The following ZFP69 variants were observed in gnomAD, a reference collection of about 807,000 sequenced individuals.
ZFP69 encodes ZFP69 zinc finger protein, also known as zinc finger protein 69 homolog.
Under a neutral mutation model 48.9 loss-of-function variants are expected in ZFP69, and 35 were observed. The ratio of observed to expected loss-of-function variants is 0.72; its 90% CI spans 0.55 to 0.95. The LOEUF is 0.95. Among genes scored for constraint, ZFP69 ranks in the 40% least tolerant of loss-of-function variants. ZFP69 has a pLI of 0.00. For missense variants in ZFP69, 557 were observed against 638.4 expected (o/e 0.87, Z 1.37); for synonymous variants, 193 against 216.8 (o/e 0.89, Z 0.96).
chr1:40,492,344 AATCAGTCCAGGAATAGTT>A (rs1460739983), intron 5 of ZFP69, among the ~76,000 whole-genome samples: 1 of 152,222 alleles, frequency 6.6e-6, no homozygotes, highest in Non-Finnish European at 1.5e-5. Flanking sequence ...CCACATGGAT[AATCAGTCCAGGAATAGTT>A]AATGCTGCTC....
Position 40,495,064 on chromosome 1 carries a change from G to A in ZFP69, c.586G>A (p.Asp196Asn), listed in dbSNP as rs757325035. The part of the protein sequence containing the change: ...STLRKVSTYD[D>N]VLERHQETCM... ...GTTGAGAAAAGTCTCCACATATGAT[G>A]ATGTCTTAGAAAGGCACCAGGAAAC... The change falls in exon 6 of 6, where the codon GAT (aspartate) becomes AAT (asparagine). Residue 196 changes from aspartate (D) to asparagine (N), a missense_variant. Asp to Asn is a conservative substitution (Grantham distance 23). Coordinates refer to ENST00000372706, the MANE Select transcript of ZFP69 (RefSeq NM_001320179.2). The A allele has an allele frequency of 6.2e-7, 1 of 1,614,032 alleles. No individual in the cohort carries two copies. The highest frequency in any genetic ancestry group is 1.7e-5 in the Admixed American group (1 of 59,996).
Position 40,489,625 on chromosome 1 carries a change from G to C in ZFP69, c.442+1G>C. On this transcript the variant is annotated splice_donor_variant, in intron 5 of 5. Coordinates refer to ENST00000372706, the MANE Select transcript of ZFP69 (RefSeq NM_001320179.2). LOFTEE classifies it high-confidence loss of function. The stretch of plus-strand genomic sequence containing the variant: ...GAAGGCCCAGGAGATCCCAGTTCAG[G>C]TGAGACCAAGTGTGTTAGTCTGTTT... The C allele has an allele frequency of 6.3e-7, 1 of 1,599,926 alleles. No individual in the cohort carries two copies. The highest frequency in any genetic ancestry group is 8.5e-7 in the Non-Finnish European group (1 of 1,174,360).
intron 5 of ZFP69, chr1:40,493,301 C>CT (rs2124461228): frequency 6.6e-6 from 1 of 151,942 alleles, no homozygotes; most frequent in South Asian, 2.1e-4. Flanking sequence ...TTTATACAGC[C>CT]ACCTTGTTTT....
chr1:40,494,644 AATAT>A (rs1010883456), intron 5 of ZFP69, among the ~76,000 whole-genome samples: 2 of 146,818 alleles, frequency 1.4e-5, no homozygotes, highest in Non-Finnish European at 3.0e-5. Flanking sequence ...TTATATATAA[AATAT>A]ATATTTATTT....
intron 3 of ZFP69, among the ~76,000 whole-genome samples, chr1:40,487,482 A>T (rs572851081): frequency 6.6e-6 from 1 of 152,292 alleles, no homozygotes; most frequent in African/African-American, 2.4e-5. Flanking sequence ...TAAAAAGTTA[A>T]AAATTTTCAA....
rs766678453 is a variant in ZFP69 at position 40,495,300 on chromosome 1, T to C, written c.822T>C (p.Asn274=). ...SYIRTKTYEC[N]ICEKIFKQPI... ...TAAGAACAAAAACCTATGAATGTAA[T>C]ATATGTGAAAAAATCTTCAAACAAC... The change falls in exon 6 of 6, where the codon AAT becomes AAC. Residue 274 remains asparagine, a synonymous_variant. Transcript: ENST00000372706. 8.7e-6 allele frequency: 14 copies of C among 1,613,970 alleles called. No individual in the cohort carries two copies. Among genetic ancestry groups the C allele is most frequent in the Non-Finnish European group, 1.1e-5 (13 of 1,179,996 alleles).
intron 3 of ZFP69, among the ~76,000 whole-genome samples, chr1:40,485,663 G>A (rs1645489262): frequency 6.6e-6 from 1 of 152,016 alleles, no homozygotes; most frequent in African/African-American, 2.4e-5. Context: ...TATAATGTGG[G>A]TGTTCTGGTG....
chr1:40,481,723 T>G, intron 2 of ZFP69, 40 bp from the exon 3 acceptor site: 1 of 1,515,922 alleles, frequency 6.6e-7, no homozygotes, highest in Non-Finnish European at 9.0e-7. Flanking sequence ...TTTGGGAGAT[T>G]TGGGGAGATG....
At chr1:40,480,938 G>A (rs1005700295) in intron 2 of ZFP69, among the ~76,000 whole-genome samples, 3 of 152,130 alleles carry the variant, frequency 2.0e-5, no homozygotes, top group African/African-American at 7.2e-5. Flanking sequence ...GGGTTTCATC[G>A]AAGTTTGTGA....
chr1:40,492,065 G>A (rs746386356), intron 5 of ZFP69, among the ~76,000 whole-genome samples: 5 of 151,992 alleles, frequency 3.3e-5, no homozygotes, highest in Non-Finnish European at 7.4e-5. Context: ...GTCTTGCTAT[G>A]TTGCCCAAGC....
chr1:40,486,396 TCCTCCCTC>T (rs1296435078), intron 3 of ZFP69, among the ~76,000 whole-genome samples: 9 of 148,234 alleles, frequency 6.1e-5, no homozygotes, highest in Admixed American at 6.0e-4. Context: ...CTTCCTCCCT[TCCTCCCTC>T]CTTTCCTCCC....
Position 40,496,010 on chromosome 1 carries a change from GT to G in ZFP69, c.1533del (p.Arg512AspfsTer22). On this transcript the variant is annotated frameshift_variant, in exon 6 of 6. Transcript: ENST00000372706. LOFTEE classifies it high-confidence loss of function. ...GKAFSYNSSL[S>X]RHHEIHRRNA... is the part of the protein sequence containing the mutation. ...GCCTTCAGCTATAACTCTTCACTTA[GT>G]CGACATCATGAAATACACAGGAGGA... 6.2e-7 allele frequency: 1 copy of G among 1,611,294 alleles called. No homozygotes were observed. The highest frequency in any genetic ancestry group is 8.5e-7 in the Non-Finnish European group (1 of 1,178,824).
In ZFP69 at chr1:40,489,115, A is replaced by G. The variant is rs1214138602; in HGVS notation, c.247A>G (p.Ile83Val). ...QELLTFKDIS[I>V]DFTQEEWGQL... ...ATTGTTGACTTTCAAGGACATATCT[A>G]TTGACTTCACCCAGGAAGAGTGGGG... Residue 83 changes from isoleucine to valine, a missense_variant, in exon 4 of 6, where the codon ATT becomes GTT. By Grantham distance (29) the Ile-to-Val change is conservative. Coordinates refer to ENST00000372706, the MANE Select transcript of ZFP69 (RefSeq NM_001320179.2). 6 of 1,614,066 alleles carry G rather than the reference A, an allele frequency of 3.7e-6. No individual in the cohort carries two copies. The highest frequency in any genetic ancestry group is 1.6e-4 in the Middle Eastern group (1 of 6,082).
chr1:40,489,873 T>C (rs567773604), intron 5 of ZFP69, among the ~76,000 whole-genome samples: 5,948 of 105,726 alleles, frequency 0.056, 130 homozygotes, highest in Middle Eastern at 0.1. Flanking sequence ...TTTCTTTTTT[T>C]TTTTTTTTTT....
At chr1:40,490,007 C>A (rs1216028120) in intron 5 of ZFP69, among the ~76,000 whole-genome samples, 4 of 151,566 alleles carry the variant, frequency 2.6e-5, no homozygotes, top group Non-Finnish European at 5.9e-5. Context: ...GTAGCTGGGA[C>A]TACAGTTATG....
intron 3 of ZFP69, among the ~76,000 whole-genome samples, chr1:40,483,863 G>T (rs1645467580): frequency 6.6e-6 from 1 of 152,174 alleles, no homozygotes; most frequent in Non-Finnish European, 1.5e-5. Context: ...GATCACCTGA[G>T]GTCAGGAGTT....
chr1:40,478,660 G>A (rs1379383894), intron 1 of ZFP69, among the ~76,000 whole-genome samples: 1 of 152,148 alleles, frequency 6.6e-6, no homozygotes, highest in Non-Finnish European at 1.5e-5. Context: ...AGGGTTTACT[G>A]TATGCCTAGC....
chr1:40,489,728 G>C, intron 5 of ZFP69, 104 bp downstream of exon 5: 2 of 815,132 alleles, frequency 2.5e-6, no homozygotes, highest in Admixed American at 5.8e-5. Flanking sequence ...GATTCTGCAG[G>C]CTGTACAGGA....
At chr1:40,494,601 A>G (rs1645606553) in intron 5 of ZFP69, among the ~76,000 whole-genome samples, 1 of 146,116 alleles carries the variant, frequency 6.8e-6, no homozygotes, top group Non-Finnish European at 1.5e-5. Context: ...AATATTTGAT[A>G]TATTTATAAA....
Sources: allele counts gnomAD v4.1 joint callset (sites outside exome capture counted in the v4.1 genomes callset), GRCh38; gene constraint gnomAD v4.1.1; transcripts MANE v1.5; gene names NCBI Gene and HGNC (gene_info 2026-07-23, HGNC 2026-07-21).